ZNF292: variants seen among roughly 807,000 people sequenced by gnomAD.
ZNF292 encodes 16 zinc-finger domain protein.
In ZNF292, 26 loss-of-function variants were observed where a neutral mutation model predicts 217.9. The observed-to-expected ratio is 0.12, with a 90% CI of 0.09 to 0.17. The LOEUF (loss-of-function observed/expected upper bound fraction) is 0.17, where lower values mean the gene tolerates loss of function less well. ZNF292 is among the 10% of genes least tolerant of loss of function. ZNF292 has a pLI of 1.00. For missense variants in ZNF292, 2,904 were observed against 3,175.2 expected, an observed-to-expected ratio of 0.91 and a Z score of 2.05; for synonymous variants, 1,257 against 1,124.1, an observed-to-expected ratio of 1.12 and a Z score of -2.37.
Position 87,224,381 on chromosome 6 carries a change from A to G in ZNF292, c.538+5650A>G, listed in dbSNP as rs1773235758. On this transcript the variant is annotated intron_variant, in intron 4 of 7. Coordinates refer to ENST00000369577, the MANE Select transcript of ZNF292 (RefSeq NM_015021.3). ...TCTTTTGTGTTGTATAGTTTTATAG[A>G]TTTTGACAAATGAAAATAGTGTCGT... Among the ~76,000 whole-genome samples the G allele has an allele frequency of 2.6e-5, 4 of 151,284 alleles. No individual in the cohort carries two copies. The South Asian group carries it at 8.3e-4, about 31-fold the overall frequency.
In ZNF292 at chr6:87,259,936, G is replaced by A; in HGVS notation, c.6307G>A (p.Glu2103Lys). 1 of 1,613,644 alleles carries A rather than the reference G, an allele frequency of 6.2e-7. No homozygotes were observed. The highest frequency in any genetic ancestry group is 8.5e-7 in the Non-Finnish European group (1 of 1,179,702). The stretch of plus-strand genomic sequence containing the variant: ...AAAGAAGCCAGTTTCCCAATCCCTT[G>A]AGTTTCCAACAAGATACAGTCCTTA... The part of the protein sequence containing the change: ...KRKKPVSQSL[E>K]FPTRYSPYRP... The change falls in exon 8 of 8, where the codon GAG becomes AAG. Residue 2103 changes from glutamate to lysine, a missense_variant. Around this residue, in one of 15 missense-constraint regions of ZNF292, gnomAD observed 261 missense variants for 272.8 expected, o/e 0.96. Coordinates refer to ENST00000369577, the MANE Select transcript of ZNF292 (RefSeq NM_015021.3).
intron 4 of ZNF292, among the ~76,000 whole-genome samples, chr6:87,221,483 C>G (rs1478787898): frequency 6.6e-6 from 1 of 152,110 alleles, no homozygotes; most frequent in Non-Finnish European, 1.5e-5. Flanking sequence ...ATTAGAAAAT[C>G]TTCATTGTGA....
intron 1 of ZNF292, among the ~76,000 whole-genome samples, chr6:87,208,457 C>G (rs940314757): frequency 1.3e-5 from 2 of 151,836 alleles, no homozygotes; most frequent in African/African-American, 4.8e-5. Context: ...TTTTATTAGT[C>G]TTTTTTCCCT....
At chr6:87,160,487 A>ATGTGTGTGTG (rs141208047) in intron 1 of ZNF292, among the ~76,000 whole-genome samples, 36 of 77,922 alleles carry the variant, frequency 4.6e-4, no homozygotes, top group African/African-American at 1.1e-3. Context: ...GTGTTTGTAT[A>ATGTGTGTGTG]TATATGTGTG....
intron 5 of ZNF292, among the ~76,000 whole-genome samples, chr6:87,240,810 G>T (rs534101004): frequency 6.6e-6 from 1 of 152,090 alleles, no homozygotes; most frequent in Non-Finnish European, 1.5e-5. Flanking sequence ...TATTAAACCC[G>T]AACAAGTAAA....
At chr6:87,249,292 A>G in intron 7 of ZNF292, 1 of 306,438 alleles carries the variant, frequency 3.3e-6, no homozygotes, top group Non-Finnish European at 6.7e-6. Flanking sequence ...ACACTTGGCT[A>G]ATTTTTTTAT....
chr6:87,161,179 A>C (rs1770742980), intron 1 of ZNF292, among the ~76,000 whole-genome samples: 2 of 152,184 alleles, frequency 1.3e-5, no homozygotes, highest in Non-Finnish European at 2.9e-5. Flanking sequence ...TTGCTAGGTT[A>C]AAGAGGGTAG....
chr6:87,249,301 A>AT (rs1562174819), intron 7 of ZNF292: 3 of 310,588 alleles, frequency 9.7e-6, no homozygotes, highest in Admixed American at 3.8e-5. Flanking sequence ...TAATTTTTTT[A>AT]TTTTTTGTAG....
At position 87,218,611 on chromosome 6, in the gene ZNF292, C is replaced by A; in HGVS notation, c.418C>A (p.Leu140Met). Residue 140 changes from leucine (L) to methionine (M), a missense_variant, in exon 4 of 8, where the codon CTG (leucine) becomes ATG (methionine). By Grantham distance (15) the Leu-to-Met change is conservative (BLOSUM62 2). Transcript: ENST00000369577. ...QTLVQVAHEKLMENGSCELHF... is the reference protein window; with the variant it reads ...QTLVQVAHEKMMENGSCELHF... ...ATATTTATAGGTAGCTCATGAAAAG[C>A]TGATGGAGAATGGCAGCTGTGAATT... 1 of 1,551,050 alleles carries A rather than the reference C, an allele frequency of 6.4e-7. No homozygotes were observed. The highest frequency in any genetic ancestry group is 8.7e-7 in the Non-Finnish European group (1 of 1,150,476).
intron 1 of ZNF292, among the ~76,000 whole-genome samples, chr6:87,174,758 T>C (rs1367216017): frequency 6.6e-6 from 1 of 152,214 alleles, no homozygotes; most frequent in African/African-American, 2.4e-5. Context: ...ATTTTAAATA[T>C]ATTTCTCTGG....
intron 1 of ZNF292, among the ~76,000 whole-genome samples, chr6:87,209,718 A>C (rs974187902): frequency 4.6e-5 from 7 of 152,210 alleles, no homozygotes; most frequent in African/African-American, 1.4e-4. Context: ...TTTTTATTAA[A>C]AATATCTTAT....
intron 1 of ZNF292, among the ~76,000 whole-genome samples, chr6:87,194,661 T>A (rs1231107678): frequency 6.6e-6 from 1 of 152,152 alleles, no homozygotes; most frequent in East Asian, 1.9e-4. Context: ...AGTTCTATTG[T>A]TAAAACTGTT....
In ZNF292 at chr6:87,258,883, A is replaced by C; in HGVS notation, c.5254A>C (p.Ile1752Leu). Residue 1752 changes from isoleucine (I) to leucine (L), a missense_variant, in exon 8 of 8, where the codon ATA becomes CTA. Around this residue, in one of 15 missense-constraint regions of ZNF292, gnomAD observed 622 missense variants for 573.1 expected, o/e 1.09. Coordinates refer to ENST00000369577, the MANE Select transcript of ZNF292 (RefSeq NM_015021.3). Reference sequence around the variant, plus strand: ...TTTGCAGATTTCTGAAGACAATGTTATACAAAACTTTGAAAAGACTCTTGA... The same window carrying C: ...TTTGCAGATTTCTGAAGACAATGTTCTACAAAACTTTGAAAAGACTCTTGA... ...SDLQISEDNV[I>L]QNFEKTLEII... 1 of 1,607,544 alleles carries C rather than the reference A, an allele frequency of 6.2e-7. No homozygotes were observed. Among genetic ancestry groups the C allele is most frequent in the African/African-American group, 1.3e-5 (1 of 74,958 alleles).
chr6:87,257,399 G>A lies in ZNF292; in HGVS notation c.3770G>A (p.Ser1257Asn), dbSNP rs370589339. The A allele has an allele frequency of 6.2e-7, 1 of 1,613,574 alleles. No individual in the cohort carries two copies. Among genetic ancestry groups the A allele is most frequent in the Non-Finnish European group, 8.5e-7 (1 of 1,179,728 alleles). ...TKTVLPLNID[S>N]GSDPFLPLPA... ...ACAGTTCTGCCTTTGAATATTGACA[G>A]TGGCTCAGATCCTTTCCTTCCTTTA... Residue 1257 changes from serine (S) to asparagine (N), a missense_variant, in exon 8 of 8, where the codon AGT (serine) becomes AAT (asparagine). Physicochemically the swap from Ser to Asn is conservative, Grantham distance 46. Around this residue, in one of 15 missense-constraint regions of ZNF292, gnomAD observed 687 missense variants for 623.0 expected, o/e 1.10. Transcript: ENST00000369577.
chr6:87,192,440 T>C (rs781288247), intron 1 of ZNF292, among the ~76,000 whole-genome samples: 34 of 152,144 alleles, frequency 2.2e-4, no homozygotes, highest in Admixed American at 1.1e-3. Context: ...AAGTCAGTTA[T>C]TGTGCTTCCA....
chr6:87,240,496 C>G (rs778036415), intron 5 of ZNF292, among the ~76,000 whole-genome samples: 2 of 152,180 alleles, frequency 1.3e-5, no homozygotes, highest in Non-Finnish European at 2.9e-5. Context: ...CATCTCAGCT[C>G]GCTGCAACCT....
intron 1 of ZNF292, among the ~76,000 whole-genome samples, chr6:87,165,898 C>CA (rs1457585019): frequency 6.6e-6 from 1 of 151,908 alleles, no homozygotes; most frequent in African/African-American, 2.4e-5. Context: ...GCTGGGACTA[C>CA]AGGCAGGCAC....
chr6:87,249,387 C>A, intron 7 of ZNF292: 1 of 423,912 alleles, frequency 2.4e-6, no homozygotes. Context: ...CTTGGCCTTC[C>A]AAAGTGGTGG....
Position 87,255,682 on chromosome 6 carries a change from G to A in ZNF292, c.2053G>A (p.Val685Ile). ...ACCTGTTAATGAATTTAATTGCCCT[G>A]TAACTTTTTGTAAAAAGGGCTTTAA... Reference protein sequence around the residue: ...PVPVNEFNCPVTFCKKGFKYF... With the variant: ...PVPVNEFNCPITFCKKGFKYF... Residue 685 changes from valine (V) to isoleucine (I), a missense_variant, in exon 8 of 8, where the codon GTA becomes ATA. Transcript: ENST00000369577. 6.2e-7 allele frequency: 1 copy of A among 1,613,244 alleles called. No individual in the cohort carries two copies. Among genetic ancestry groups the A allele is most frequent in the South Asian group, 1.1e-5 (1 of 90,992 alleles).
Sources: gnomAD v4.1 joint callset for allele counts (sites outside exome capture counted in the v4.1 genomes callset) on GRCh38, gnomAD v4.1.1 for gene constraint, gnomAD v4.1.1 regional missense constraint, MANE v1.5 for transcripts, NCBI Gene and HGNC (gene_info 2026-07-23, HGNC 2026-07-21) for gene names.